DLGAP1: variants seen among roughly 807,000 people sequenced by gnomAD.
DLGAP1 encodes the protein DLG associated protein 1.
Under a neutral mutation model 90.8 loss-of-function variants are expected in DLGAP1, and 11 were observed. That is an observed-to-expected ratio of 0.12 (90% CI 0.08 to 0.20). The LOEUF (loss-of-function observed/expected upper bound fraction) is 0.20. Ranked by LOEUF, DLGAP1 falls within the 10% of genes least tolerant of loss-of-function variation. The probability of loss-of-function intolerance (pLI) is 1.00; values close to 1 mark genes in which losing one functional copy is unlikely to be tolerated. For missense variants in DLGAP1, 1,050 were observed against 1,333.8 expected (o/e 0.79, Z 3.31); for synonymous variants, 558 against 540.7 (o/e 1.03, Z -0.44).
At chr18:4,347,272 G>A (rs2081317765) in intron 1 of DLGAP1, among the ~76,000 whole-genome samples, 1 of 152,040 alleles carries the variant, frequency 6.6e-6, no homozygotes, top group South Asian at 2.1e-4. Flanking sequence ...CAAAACATTT[G>A]AAGATCAAAT....
At chr18:4,110,120 A>G (rs2075946971) in intron 2 of DLGAP1, among the ~76,000 whole-genome samples, 1 of 152,190 alleles carries the variant, frequency 6.6e-6, no homozygotes, top group Admixed American at 6.5e-5. Flanking sequence ...AATATTACAG[A>G]ATTTATTTAC....
At chr18:4,323,327 C>T (rs2080741937) in intron 1 of DLGAP1, among the ~76,000 whole-genome samples, 1 of 152,136 alleles carries the variant, frequency 6.6e-6, no homozygotes, top group East Asian at 1.9e-4. Context: ...AACCCTTGTA[C>T]ACCATTAGAA....
At chr18:4,205,996 G>A (rs941468586) in intron 1 of DLGAP1, among the ~76,000 whole-genome samples, 34 of 152,124 alleles carry the variant, frequency 2.2e-4, no homozygotes, top group African/African-American at 7.0e-4. Context: ...GGTGGAGAGA[G>A]TTGCCTATTT....
chr18:3,872,797 G>C (rs1244010982), intron 4 of DLGAP1, among the ~76,000 whole-genome samples: 1 of 152,092 alleles, frequency 6.6e-6, no homozygotes, highest in African/African-American at 2.4e-5. Flanking sequence ...TCTTTAATTT[G>C]CAATCAAGCA....
chr18:3,724,325 T>C (rs2079420736), intron 7 of DLGAP1, among the ~76,000 whole-genome samples: 1 of 151,902 alleles, frequency 6.6e-6, no homozygotes, highest in Non-Finnish European at 1.5e-5. Context: ...CAGAGCAAAA[T>C]ATAGCACACA....
At chr18:3,623,083 G>A (rs1239709971) in intron 7 of DLGAP1, among the ~76,000 whole-genome samples, 1 of 152,038 alleles carries the variant, frequency 6.6e-6, no homozygotes, top group South Asian at 2.1e-4. Flanking sequence ...GGGATTACAC[G>A]CGTGAGCCAC....
chr18:3,865,842 T>C (rs16945555), intron 4 of DLGAP1, among the ~76,000 whole-genome samples: 64,428 of 152,088 alleles, frequency 0.42, 15,733 homozygotes, highest in Admixed American at 0.56. Context: ...CACAAGTCCA[T>C]AGAACCTTCT....
chr18:3,731,625 T>A (rs2062434399), intron 6 of DLGAP1, among the ~76,000 whole-genome samples: 1 of 150,630 alleles, frequency 6.6e-6, no homozygotes, highest in Non-Finnish European at 1.5e-5. Context: ...CAGGCTGGTC[T>A]CTCAAACTCC....
At chr18:3,719,942 A>G (rs2061913934) in intron 7 of DLGAP1, among the ~76,000 whole-genome samples, 1 of 152,250 alleles carries the variant, frequency 6.6e-6, no homozygotes, top group South Asian at 2.1e-4. Flanking sequence ...TAAGAAAGTT[A>G]GGTGAAAAAG....
At chr18:4,016,828 T>C (rs1599331893) in intron 2 of DLGAP1, among the ~76,000 whole-genome samples, 1 of 152,174 alleles carries the variant, frequency 6.6e-6, no homozygotes, top group Non-Finnish European at 1.5e-5. Context: ...GTGTGATCTC[T>C]GCAAAGTGAT....
intron 7 of DLGAP1, among the ~76,000 whole-genome samples, chr18:3,701,577 G>GGA (rs1247822862): frequency 2.6e-5 from 4 of 152,202 alleles, no homozygotes; most frequent in African/African-American, 9.6e-5. Flanking sequence ...AGAAGTTGTT[G>GGA]GAGAATCTGT....
At chr18:3,628,260 G>A (rs558687368) in intron 7 of DLGAP1, among the ~76,000 whole-genome samples, 1 of 150,028 alleles carries the variant, frequency 6.7e-6, no homozygotes, top group Non-Finnish European at 1.5e-5. Context: ...TGTGATCTTG[G>A]CTCGCTGTAA....
At chr18:3,896,137 G>A (rs2071617080) in intron 3 of DLGAP1, 1 of 152,100 alleles carries the variant, frequency 6.6e-6, no homozygotes, top group African/African-American at 2.4e-5. Context: ...AGTGTGACAT[G>A]GTTTCTTCCC....
intron 1 of DLGAP1, among the ~76,000 whole-genome samples, chr18:4,392,963 G>T (rs2082368578): frequency 6.6e-6 from 1 of 151,926 alleles, no homozygotes; most frequent in African/African-American, 2.4e-5. Context: ...TAATCCATCA[G>T]CAAGTCATGT....
At chr18:3,679,946 A>G (rs985846758) in intron 7 of DLGAP1, 5 of 151,448 alleles carry the variant, frequency 3.3e-5, no homozygotes, top group African/African-American at 1.2e-4. Context: ...TCAGCCTCCC[A>G]AAGTGTTGGG....
intron 1 of DLGAP1, among the ~76,000 whole-genome samples, chr18:4,229,094 C>T (rs2078248612): frequency 6.6e-6 from 1 of 151,696 alleles, no homozygotes; most frequent in Admixed American, 6.6e-5. Flanking sequence ...AATTGCTACA[C>T]ATAAAATTAA....
chr18:3,943,418 A>G (rs2072810605), intron 3 of DLGAP1, among the ~76,000 whole-genome samples: 1 of 151,538 alleles, frequency 6.6e-6, no homozygotes, highest in South Asian at 2.1e-4. Context: ...GATAAACTGC[A>G]AAGATGGAGG....
chr18:4,252,641 G>A (rs1275698227), intron 1 of DLGAP1, among the ~76,000 whole-genome samples: 1 of 152,180 alleles, frequency 6.6e-6, no homozygotes, highest in Non-Finnish European at 1.5e-5. Flanking sequence ...AGTAGCTAAA[G>A]AAACGAAAGC....
At chr18:3,868,425 C>T (rs961999987) in intron 4 of DLGAP1, among the ~76,000 whole-genome samples, 1 of 152,102 alleles carries the variant, frequency 6.6e-6, no homozygotes, top group Non-Finnish European at 1.5e-5. Flanking sequence ...TCTCTCCCTA[C>T]TTATTTACTG....
Sources: allele counts gnomAD v4.1 joint callset (sites outside exome capture counted in the v4.1 genomes callset), GRCh38; gene constraint gnomAD v4.1.1; transcripts MANE v1.5; gene names NCBI Gene and HGNC (gene_info 2026-07-23, HGNC 2026-07-21).